ANK2: variants seen among roughly 807,000 people sequenced by gnomAD.
ANK2 encodes ankyrin 2.
ANK2 carries 83 observed loss-of-function variants against 360.5 expected under a neutral mutation model. That is an observed-to-expected ratio of 0.23 (90% CI 0.19 to 0.28). The LOEUF (loss-of-function observed/expected upper bound fraction) is 0.28. ANK2 is among the 10% of genes least tolerant of loss of function. The pLI is 1.00. For missense variants in ANK2, 4,201 were observed against 4,795.7 expected, an observed-to-expected ratio of 0.88 and a Z score of 3.66; for synonymous variants, 1,740 against 1,759.5, an observed-to-expected ratio of 0.99 and a Z score of 0.28.
intron 2 of ANK2, among the ~76,000 whole-genome samples, chr4:113,017,741 A>G (rs2057019540): frequency 6.6e-6 from 1 of 152,236 alleles, no homozygotes; most frequent in African/African-American, 2.4e-5. Flanking sequence ...GTAAAACTTC[A>G]GCTGCAGCAT....
chr4:113,116,809 C>G (rs914397813), intron 1 of ANK2, among the ~76,000 whole-genome samples: 2 of 152,220 alleles, frequency 1.3e-5, no homozygotes, highest in Non-Finnish European at 2.9e-5. Context: ...CACCCCCTAG[C>G]AGTTTCACAG....
Position 112,863,774 on chromosome 4 carries a change from G to A in ANK2, c.-39-40681G>A, listed in dbSNP as rs1323723061. ...CCTGACCTCGTGATCCTCCCGCCTC[G>A]GCCTCCCAAAGTGCTGGGATTACAG... On this transcript the variant is annotated intron_variant, in intron 1 of 30. Coordinates refer to the ANK2 transcript ENST00000503271. Among the ~76,000 whole-genome samples the A allele has an allele frequency of 5.3e-5, 8 of 151,948 alleles. 1 individual carries two copies. Among genetic ancestry groups the A allele is most frequent in the Non-Finnish European group, 2.9e-5 (2 of 67,954 alleles).
At chr4:112,791,850 A>C in the ANK2 span, among the ~76,000 whole-genome samples, 1 of 151,970 alleles carries the variant, frequency 6.6e-6, no homozygotes, top group Non-Finnish European at 1.5e-5. Flanking sequence ...AAAATATTAA[A>C]ATCTACTTGG....
At chr4:112,856,781 T>C (rs566860307) in intron 1 of ANK2, among the ~76,000 whole-genome samples, 1 of 152,328 alleles carries the variant, frequency 6.6e-6, no homozygotes, top group South Asian at 2.1e-4. Flanking sequence ...GCTAGAATGG[T>C]AAGGAAAGAC....
intron 4 of ANK2, among the ~76,000 whole-genome samples, chr4:113,228,445 C>A (rs1421019617): frequency 6.6e-6 from 1 of 152,156 alleles, no homozygotes; most frequent in Non-Finnish European, 1.5e-5. Context: ...GTTTAGTTTT[C>A]CATTCCTGAG....
intron 10 of ANK2, among the ~76,000 whole-genome samples, chr4:113,251,733 C>T (rs921406693): frequency 5.9e-5 from 9 of 151,790 alleles, no homozygotes; most frequent in African/African-American, 1.5e-4. Context: ...CTGCCCATCT[C>T]GGCCTCCCAA....
chr4:112,845,173 A>G (rs902575923), intron 1 of ANK2, among the ~76,000 whole-genome samples: 1 of 152,196 alleles, frequency 6.6e-6, no homozygotes, highest in South Asian at 2.1e-4. Context: ...TACTTAAAAT[A>G]TGAGTATAAA....
chr4:112,872,671 T>C (rs2073627403), intron 1 of ANK2, among the ~76,000 whole-genome samples: 1 of 152,208 alleles, frequency 6.6e-6, no homozygotes, highest in African/African-American at 2.4e-5. Flanking sequence ...TTCTTTAGTT[T>C]TATTTTCTTG....
At chr4:113,208,024 A>G (rs755812854) in intron 4 of ANK2, among the ~76,000 whole-genome samples, 2 of 152,200 alleles carry the variant, frequency 1.3e-5, no homozygotes, top group Non-Finnish European at 2.9e-5. Flanking sequence ...TCCAGGGGAA[A>G]TGCAGTGTAT....
At chr4:112,969,531 A>C (rs550905493) in intron 2 of ANK2, among the ~76,000 whole-genome samples, 1 of 152,290 alleles carries the variant, frequency 6.6e-6, no homozygotes, top group Admixed American at 6.5e-5. Flanking sequence ...AAGAAAATGA[A>C]GACTAGGGAG....
chr4:112,758,740 C>G, the ANK2 span, among the ~76,000 whole-genome samples: 1 of 152,146 alleles, frequency 6.6e-6, no homozygotes, highest in Non-Finnish European at 1.5e-5. Context: ...TCAATCTTCT[C>G]AAAACCCTTT....
Position 113,369,603 on chromosome 4 carries a change from C to A in ANK2, c.11408C>A (p.Thr3803Asn), listed in dbSNP as rs985908804. The A allele has an allele frequency of 6.2e-7, 1 of 1,614,134 alleles. No homozygotes were observed. The highest frequency in any genetic ancestry group is 8.5e-7 in the Non-Finnish European group (1 of 1,180,030). Residue 3803 changes from threonine to asparagine, a missense_variant, in exon 43 of 46, where the codon ACC becomes AAC. This residue lies in a region of ANK2 where 2,642 missense variants were observed against 2,714.5 expected (regional missense o/e 0.97). Transcript: ENST00000357077. ...AGCAAGACACCTGAGGAAGTTAGCACCCCTGCAGAGGAGGAGAAGCTGTAC... is the reference window on the plus strand; with the variant it reads ...AGCAAGACACCTGAGGAAGTTAGCAACCCTGCAGAGGAGGAGAAGCTGTAC... The part of the protein sequence containing the change: ...SPSKTPEEVS[T>N]PAEEEKLYLQ...
chr4:112,828,734 A>G (rs1290758527), intron 1 of ANK2, among the ~76,000 whole-genome samples: 1 of 152,270 alleles, frequency 6.6e-6, no homozygotes, highest in Non-Finnish European at 1.5e-5. Flanking sequence ...AACAGAGTAA[A>G]CAGACAACCT....
chr4:112,824,888 A>G (rs2058067703), intron 1 of ANK2, among the ~76,000 whole-genome samples: 1 of 152,104 alleles, frequency 6.6e-6, no homozygotes, highest in African/African-American at 2.4e-5. Context: ...AAATGTAATT[A>G]TAATGCAGAT....
chr4:113,048,808 T>A (rs1201535920), upstream of ANK2, among the ~76,000 whole-genome samples: 1 of 152,096 alleles, frequency 6.6e-6, no homozygotes, highest in Non-Finnish European at 1.5e-5. Flanking sequence ...TAGTTTTTTA[T>A]GTTTTTATTA....
At chr4:113,087,343 T>C (rs919787556) in intron 1 of ANK2, among the ~76,000 whole-genome samples, 2 of 152,318 alleles carry the variant, frequency 1.3e-5, no homozygotes, top group Non-Finnish European at 2.9e-5. Context: ...TGGAAAGTTA[T>C]GGGAGATGAG....
intron 26 of ANK2, among the ~76,000 whole-genome samples, chr4:113,323,185 A>G (rs563876914): frequency 6.6e-6 from 1 of 152,114 alleles, no homozygotes; most frequent in Non-Finnish European, 1.5e-5. Flanking sequence ...AAAGCAGGAA[A>G]TGAAGTATTG....
intron 2 of ANK2, among the ~76,000 whole-genome samples, chr4:113,023,302 C>G (rs1296021654): frequency 6.6e-6 from 1 of 152,138 alleles, no homozygotes; most frequent in South Asian, 2.1e-4. Context: ...AAACTTCCCA[C>G]CAATGATCTA....
intron 2 of ANK2, among the ~76,000 whole-genome samples, chr4:113,038,621 C>T (rs973876301): frequency 1.3e-4 from 20 of 151,928 alleles, no homozygotes; most frequent in Non-Finnish European, 1.6e-4. Context: ...GAGGTGGCGT[C>T]GATTTCTTCA....
Sources: allele counts gnomAD v4.1 joint callset (sites outside exome capture counted in the v4.1 genomes callset), GRCh38; gene constraint gnomAD v4.1.1; regional missense constraint gnomAD v4.1.1; transcripts MANE v1.5; gene names NCBI Gene and HGNC (gene_info 2026-07-23, HGNC 2026-07-21).